The following PIEZO1 variants were observed in gnomAD, a reference collection of about 807,000 sequenced individuals.
PIEZO1 encodes the protein piezo-type mechanosensitive ion channel component 1.
A neutral mutation model predicts 297.2 loss-of-function variants in PIEZO1; 296 were observed. That is an observed-to-expected ratio of 1.00 (90% CI 0.91 to 1.10). The LOEUF (loss-of-function observed/expected upper bound fraction) is 1.10, where lower values mean the gene tolerates loss of function less well. PIEZO1 is among the 50% of genes least tolerant of loss of function. The pLI is 0.00. For synonymous variants in PIEZO1, 2,427 were observed against 1,507.5 expected, an observed-to-expected ratio of 1.61 and a Z score of -14.13; for missense variants, 5,018 against 3,455.5, an observed-to-expected ratio of 1.45 and a Z score of -11.34.
chr16:88,719,948 C>G lies in PIEZO1; in HGVS notation c.6177G>C (p.Gln2059His), dbSNP rs775335122. ...AGTACCAGAGCTGGGCCACCACATT[C>G]TGGTTGAACATCCTGGGGCGGGATG... The part of the protein sequence containing the change: ...LPAVTERMFN[Q>H]NVVAQLWYFV... The change falls in exon 43 of 51, where the codon CAG becomes CAC. Residue 2059 changes from glutamine to histidine, a missense_variant. By Grantham distance (24) the Gln-to-His change is conservative. Coordinates refer to ENST00000301015, the MANE Select transcript of PIEZO1 (RefSeq NM_001142864.4). 14 of 1,550,320 alleles carry G rather than the reference C, an allele frequency of 9.0e-6. No individual in the cohort carries two copies. Among genetic ancestry groups the G allele is most frequent in the South Asian group, 5.9e-5 (5 of 84,064 alleles).
rs575884876 is a variant in PIEZO1, at chr16:88,733,267, G to A, written c.2664+11C>T. Reference sequence around the variant, plus strand: ...GAGCTTCCTCCCGTCCCAGCCCTCGGGGGCCGGTACCTCGGTGCAGTTGCT... The same window carrying A: ...GAGCTTCCTCCCGTCCCAGCCCTCGAGGGCCGGTACCTCGGTGCAGTTGCT... On this transcript the variant is annotated intron_variant, in intron 19 of 50. Coordinates refer to ENST00000301015, the MANE Select transcript of PIEZO1 (RefSeq NM_001142864.4). 15 of 1,535,706 alleles carry A rather than the reference G, an allele frequency of 9.8e-6. No homozygotes were observed. In the African/African-American group the frequency reaches 1.9e-4, roughly 20 times the overall value.
Position 88,720,174 on chromosome 16 carries a change from G to C in PIEZO1, c.6059C>G (p.Ala2020Gly). 1 of 1,550,518 alleles carries C rather than the reference G, an allele frequency of 6.4e-7. No individual in the cohort carries two copies. Among genetic ancestry groups the C allele is most frequent in the Non-Finnish European group, 8.7e-7 (1 of 1,146,980 alleles). ...CAGCACGGTCTTGCGCAGGTAGAGG[G>C]CGCGGTCAACCACCATGGTACTGAA... is the stretch of plus-strand genomic sequence containing the variant. ...IQFSTMVVDR[A>G]LYLRKTVLGK... is the part of the protein sequence containing the mutation. The change falls in exon 42 of 51, where the codon GCC becomes GGC. Residue 2020 changes from alanine to glycine, a missense_variant. By Grantham distance (60) the Ala-to-Gly change is moderately conservative (BLOSUM62 0). Transcript: ENST00000301015.
chr16:88,781,049 G>C (rs1378546744), intron 1 of PIEZO1, among the ~76,000 whole-genome samples: 2 of 152,206 alleles, frequency 1.3e-5, no homozygotes, highest in Admixed American at 1.3e-4. Flanking sequence ...GATTTCTGAG[G>C]CCAGAGAGGC....
rs1252256442 is a variant in PIEZO1, at chr16:88,725,669, G to C, written c.3984C>G (p.Tyr1328Ter). ...CAATGCTCTTGAGGTTGGCAGCGTTGTAGAGGGCGAAGCCCCTGTAGGGAG... is the reference window on the plus strand; with the variant it reads ...CAATGCTCTTGAGGTTGGCAGCGTTCTAGAGGGCGAAGCCCCTGTAGGGAG... ...ALLASRGFALYNAANLKSIDF... is the reference protein window; with the variant it reads ...ALLASRGFAL Residue 1328 changes from tyrosine (Y) to a stop codon, truncating the protein, a stop_gained, in exon 28 of 51, where the codon TAC becomes TAG. Coordinates refer to ENST00000301015, the MANE Select transcript of PIEZO1 (RefSeq NM_001142864.4). LOFTEE classifies it high-confidence loss of function. 6.5e-7 allele frequency: 1 copy of C among 1,545,512 alleles called. No individual in the cohort carries two copies.
In PIEZO1 at chr16:88,722,058, C is replaced by T. The variant is rs1234685518; in HGVS notation, c.4964G>A (p.Arg1655His). The change falls in exon 37 of 51, where the codon CGC becomes CAC. Residue 1655 changes from arginine to histidine, a missense_variant. Transcript: ENST00000301015. ...CTCTGCCTCCTCCAGCTCTGGGATGCGCAGGCGCCTACAGGGAGACCCGCG... is the reference window on the plus strand; with the variant it reads ...CTCTGCCTCCTCCAGCTCTGGGATGTGCAGGCGCCTACAGGGAGACCCGCG... ...ASELLLDRRL[R>H]IPELEEAELF... 42 of 1,545,412 alleles carry T rather than the reference C, an allele frequency of 2.7e-5. No individual in the cohort carries two copies. Among genetic ancestry groups the T allele is most frequent in the African/African-American group, 2.6e-4 (19 of 73,056 alleles).
intron 1 of PIEZO1, among the ~76,000 whole-genome samples, chr16:88,783,801 C>T (rs1213394277): frequency 6.6e-6 from 1 of 152,224 alleles, no homozygotes; most frequent in Non-Finnish European, 1.5e-5. Flanking sequence ...TCTGTGCGAC[C>T]GATCAAAACG....
In PIEZO1 at chr16:88,775,742, AAAG is replaced by A. The variant is rs1477072523; in HGVS notation, c.64+9156_64+9158del. Among the ~76,000 whole-genome samples the A allele has an allele frequency of 6.0e-5, 9 of 150,810 alleles. No homozygotes were observed. The South Asian group carries it at 1.9e-3, about 32-fold the overall frequency. On this transcript the variant is annotated intron_variant, in intron 1 of 50. Transcript: ENST00000301015. ...AGACGCTGTCAAAAAAAAAAAAAAA[AAAG>A]AAAAGAAAAAAGACATGGCGAAGGG...
At chr16:88,776,842 T>G (rs1335200626) in intron 1 of PIEZO1, among the ~76,000 whole-genome samples, 1 of 152,208 alleles carries the variant, frequency 6.6e-6, no homozygotes, top group Non-Finnish European at 1.5e-5. Context: ...ACAGGGCTGC[T>G]GCTGCTGTCT....
chr16:88,752,596 A>G (rs1906444245), intron 1 of PIEZO1, among the ~76,000 whole-genome samples: 1 of 152,040 alleles, frequency 6.6e-6, no homozygotes. Flanking sequence ...GGGGCTGGAG[A>G]TGAGGCGGGT....
rs745612488 is a variant in PIEZO1, at chr16:88,721,321, G to C, written c.5513C>G (p.Thr1838Ser). 1.9e-6 allele frequency: 3 copies of C among 1,546,452 alleles called. No individual in the cohort carries two copies. Among genetic ancestry groups the C allele is most frequent in the African/African-American group, 2.7e-5 (2 of 73,000 alleles). ...GGCTTCCACCTGAATGTGGTCTTCG[G>C]TGGTGGCCGCAGGCACCCCTGGCCC... Reference protein sequence around the residue: ...EEGPGVPAATTEDHIQVEARV... With the variant: ...EEGPGVPAATSEDHIQVEARV... Residue 1838 changes from threonine to serine, a missense_variant, in exon 39 of 51, where the codon ACC becomes AGC. Transcript: ENST00000301015.
rs866219828 is a variant in PIEZO1, at chr16:88,725,071, C to T, written c.4172G>A (p.Ser1391Asn). 6.6e-7 allele frequency: 1 copy of T among 1,508,988 alleles called. No individual in the cohort carries two copies. Among genetic ancestry groups the T allele is most frequent in the Non-Finnish European group, 8.8e-7 (1 of 1,131,424 alleles). 93.5% of individuals were successfully genotyped at this position (1,508,988 alleles called of 1,614,324 possible). ...CCGTGGCGGGGAGGAGCCCCCTGGA[C>T]TGTCGGGCCCTGTGGAGGGGCAGGG... ...KDPGLEPGPD[S>N]PGGSSPPRRQ... Residue 1391 changes from serine to asparagine, a missense_variant, in exon 30 of 51, where the codon AGT (serine) becomes AAT (asparagine). Transcript: ENST00000301015.
intron 1 of PIEZO1, among the ~76,000 whole-genome samples, chr16:88,779,425 C>T (rs1230066475): frequency 2.6e-5 from 4 of 152,194 alleles, no homozygotes; most frequent in Non-Finnish European, 5.9e-5. Context: ...CTCAGCATCG[C>T]GCTTTGTGAA....
chr16:88,718,401 C>A (rs1912201297), intron 44 of PIEZO1: 1 of 152,632 alleles, frequency 6.6e-6, no homozygotes, highest in Admixed American at 6.5e-5. Flanking sequence ...CACGGGCACA[C>A]AGACGTGTAC....
chr16:88,719,448 TCCC>T (rs1195738019), intron 44 of PIEZO1, 123 bp downstream of exon 44: 2 of 857,206 alleles, frequency 2.3e-6, no homozygotes, highest in Non-Finnish European at 3.6e-6. Flanking sequence ...TCGCCTCATG[TCCC>T]CATGGGCTCC....
In PIEZO1 at chr16:88,719,587, C is replaced by T. The variant is rs766270490; in HGVS notation, c.6458G>A (p.Arg2153Gln). Residue 2153 changes from arginine (R) to glutamine (Q), a missense_variant, in exon 44 of 51, where the codon CGA (arginine) becomes CAA (glutamine). Coordinates refer to ENST00000301015, the MANE Select transcript of PIEZO1 (RefSeq NM_001142864.4). ...YANIFIIKCS[R>Q]ETEKKYPQPK... ...GGGCCCAGGCACCTTCTCTGTCTCT[C>T]GGCTGCATTTGATGATGAAGATGTT... is the stretch of plus-strand genomic sequence containing the variant. 18 of 1,550,704 alleles carry T rather than the reference C, an allele frequency of 1.2e-5. No homozygotes were observed. The highest frequency in any genetic ancestry group is 2.4e-5 in the East Asian group (1 of 40,966).
rs1912459236 is a variant in PIEZO1 at position 88,721,607 on chromosome 16, C to T, written c.5334G>A (p.Lys1778=). The T allele has an allele frequency of 1.3e-6, 2 of 1,550,308 alleles. No homozygotes were observed. The highest frequency in any genetic ancestry group is 1.4e-5 in the African/African-American group (1 of 73,178). Residue 1778 remains lysine (K), a synonymous_variant, in exon 38 of 51, where the codon AAG becomes AAA. Coordinates refer to ENST00000301015, the MANE Select transcript of PIEZO1 (RefSeq NM_001142864.4). ...YFPPRILGLE[K]TDGYIKYDLV... is the part of the protein sequence containing the mutation. ...GGTCGTACTTGATGTAGCCGTCAGT[C>T]TTCTCCAGGCCCAGGATGCGGGGCG...
intron 1 of PIEZO1, 106 bp from the exon 2 acceptor site, chr16:88,749,585 G>T: frequency 1.2e-6 from 1 of 843,934 alleles, no homozygotes; most frequent in Non-Finnish European, 1.8e-6. Context: ...GAGGCCGTGT[G>T]CCCTGTGAGT....
Position 88,726,603 on chromosome 16 carries a change from A to G in PIEZO1, c.3740T>C (p.Phe1247Ser). 2 of 1,541,820 alleles carry G rather than the reference A, an allele frequency of 1.3e-6. No homozygotes were observed. The highest frequency in any genetic ancestry group is 1.4e-5 in the African/African-American group (1 of 73,006). ...CVFVEQMQTG[F>S]CWVIQLFSLV... ...GCTGAAGAGCTGGATGACCCAGCAG[A>G]AGCCGGTCTGCATCTGCTCCACGAA... The change falls in exon 26 of 51, where the codon TTC becomes TCC. Residue 1247 changes from phenylalanine (F) to serine (S), a missense_variant. Transcript: ENST00000301015.
chr16:88,753,777 G>A (rs1198320874), intron 1 of PIEZO1, among the ~76,000 whole-genome samples: 1 of 152,238 alleles, frequency 6.6e-6, no homozygotes, highest in African/African-American at 2.4e-5. Context: ...GTGGGCTAAA[G>A]CCAGAGGGGG....
Sources: gnomAD v4.1 joint callset for allele counts (sites outside exome capture counted in the v4.1 genomes callset) on GRCh38, gnomAD v4.1.1 for gene constraint, MANE v1.5 for transcripts, NCBI Gene and HGNC (gene_info 2026-07-23, HGNC 2026-07-21) for gene names.